The following ANKRD26 variants were observed in gnomAD, a reference collection of about 807,000 sequenced individuals.
ANKRD26 encodes ankyrin repeat domain-containing protein 26.
A neutral mutation model predicts 208.7 loss-of-function variants in ANKRD26; 141 were observed. The observed-to-expected ratio is 0.68, with a 90% CI of 0.59 to 0.78. ANKRD26 has a LOEUF of 0.78. Ranked by LOEUF, ANKRD26 falls within the 30% of genes least tolerant of loss-of-function variation. The probability of loss-of-function intolerance (pLI) is 0.00; values close to 1 mark genes in which losing one functional copy is unlikely to be tolerated. For missense variants in ANKRD26, 1,889 were observed against 1,938.7 expected, an observed-to-expected ratio of 0.97 and a Z score of 0.48; for synonymous variants, 636 against 660.4, an observed-to-expected ratio of 0.96 and a Z score of 0.57.
At chr10:27,046,610 G>A in intron 17 of ANKRD26, 87 bp from the exon 18 acceptor site, 4 of 1,322,210 alleles carry the variant, frequency 3.0e-6, no homozygotes, top group South Asian at 1.4e-5. Flanking sequence ...GGAAAAGAAA[G>A]AATAAAAAAT....
At position 27,029,257 on chromosome 10, in the gene ANKRD26, GT is replaced by G. The variant is rs1349427518; in HGVS notation, c.3878+28del. On this transcript the variant is annotated intron_variant, in intron 26 of 33. Transcript: ENST00000376087. ...GCTTATTTGCTCTATAAATAATCAT[GT>G]TTTTCTGTGTGCTGCTTTAAATTTT... 3.1e-6 allele frequency: 5 copies of G among 1,588,868 alleles called. No individual in the cohort carries two copies. In the African/African-American group the frequency reaches 4.0e-5, roughly 13 times the overall value.
intron 32 of ANKRD26, among the ~76,000 whole-genome samples, chr10:27,008,791 G>A (rs1049669981): frequency 6.6e-5 from 10 of 152,128 alleles, no homozygotes; most frequent in African/African-American, 2.2e-4. Context: ...CAGCCCTGGA[G>A]TGGCCTCCCG....
At chr10:27,050,179 C>A (rs984026055) in intron 16 of ANKRD26, among the ~76,000 whole-genome samples, 11 of 115,444 alleles carry the variant, frequency 9.5e-5, no homozygotes, top group African/African-American at 3.4e-4. Context: ...AAGATCATGC[C>A]ATTGCACTGC....
At chr10:26,950,596 T>G in the ANKRD26 span, among the ~76,000 whole-genome samples, 6 of 151,058 alleles carry the variant, frequency 4.0e-5, no homozygotes, top group Admixed American at 2.0e-4. Context: ...GCACCTCCTC[T>G]GCTTGCTCTC....
Position 27,071,159 on chromosome 10 carries a change from ATTTTTTTTTTTT to A in ANKRD26, c.1078-3885_1078-3874del, listed in dbSNP as rs71386906. 3.5e-5 allele frequency among the ~76,000 whole-genome samples: 3 copies of A among 85,838 alleles called. No individual in the cohort carries two copies. In the Admixed American group the frequency reaches 4.6e-4, roughly 13 times the overall value. 56.3% of individuals were successfully genotyped at this position (85,838 alleles called of 152,430 possible). A position where few individuals can be genotyped will look rare whatever the true frequency, so the allele number is the denominator to read the frequency against. On this transcript the variant is annotated intron_variant, in intron 9 of 33. Coordinates refer to ENST00000376087, the MANE Select transcript of ANKRD26 (RefSeq NM_014915.3). The stretch of plus-strand genomic sequence containing the variant: ...GCAGAAATAAACAATTGCTACATTC[ATTTTTTTTTTTT>A]TTTTTTTTTTTTGAGACAGAGTCTC...
rs200576921 is a variant in ANKRD26 at position 27,044,222 on chromosome 10, G to T, written c.1986-32C>A. 3.8e-5 allele frequency: 53 copies of T among 1,401,436 alleles called. No individual in the cohort carries two copies. In the African/African-American group the frequency reaches 6.9e-4, roughly 18 times the overall value. The allele number at this position is 1,401,436 out of a possible 1,614,324, so 86.8% of individuals were successfully genotyped here. ...AAAAAAAATACCTTTCAGGCAAATAGTAAACATGTAAAATGCAAGGAATAT... is the reference window on the plus strand; with the variant it reads ...AAAAAAAATACCTTTCAGGCAAATATTAAACATGTAAAATGCAAGGAATAT... On this transcript the variant is annotated intron_variant, in intron 18 of 33. Coordinates refer to ENST00000376087, the MANE Select transcript of ANKRD26 (RefSeq NM_014915.3).
At chr10:27,078,987 A>C (rs1341065985) in intron 7 of ANKRD26, 102 bp downstream of exon 7, 8 of 931,908 alleles carry the variant, frequency 8.6e-6, no homozygotes, top group Admixed American at 2.0e-5. Context: ...TTCCATTACA[A>C]ACAGAAAACA....
chr10:26,965,544 G>A, the ANKRD26 span, among the ~76,000 whole-genome samples: 2 of 152,092 alleles, frequency 1.3e-5, no homozygotes, highest in African/African-American at 4.8e-5. Context: ...AGAAAACCTA[G>A]GCAATACCAT....
At chr10:27,081,060 A>G in intron 6 of ANKRD26, 1 of 529,510 alleles carries the variant, frequency 1.9e-6, no homozygotes, top group Non-Finnish European at 2.4e-6. Context: ...GTTATAGTAC[A>G]TTCCTACTGG....
At chr10:26,955,746 A>G in the ANKRD26 span, among the ~76,000 whole-genome samples, 6 of 152,328 alleles carry the variant, frequency 3.9e-5, no homozygotes, top group South Asian at 1.0e-3. Context: ...TCTAAGGGAT[A>G]TTAGTCCTGT....
chr10:27,014,840 C>T, intron 30 of ANKRD26, 129 bp from the exon 31 acceptor site: 1 of 719,986 alleles, frequency 1.4e-6, no homozygotes, highest in Non-Finnish European at 2.4e-6. Context: ...TCTGTGCCAG[C>T]AGGCATTGGT....
chr10:27,081,938 G>A (rs143517360), intron 6 of ANKRD26, among the ~76,000 whole-genome samples: 10,172 of 151,480 alleles, frequency 0.067, 490 homozygotes, highest in Non-Finnish European at 0.1. Flanking sequence ...GGGTTTCACC[G>A]TGTTAGCCAG....
intron 26 of ANKRD26, 73 bp downstream of exon 26, chr10:27,029,213 A>G: frequency 1.4e-6 from 2 of 1,479,756 alleles, no homozygotes; most frequent in Non-Finnish European, 9.3e-7. Flanking sequence ...CATAGCTGAT[A>G]TAATTCTCAT....
downstream of ANKRD26, among the ~76,000 whole-genome samples, chr10:26,987,173 T>G (rs982244381): frequency 4.6e-5 from 7 of 151,638 alleles, no homozygotes; most frequent in African/African-American, 1.7e-4. Flanking sequence ...AGCAAACTAT[T>G]GCAAGGACAA....
chr10:27,027,872 G>A (rs542327040), intron 27 of ANKRD26, among the ~76,000 whole-genome samples: 20 of 152,178 alleles, frequency 1.3e-4, no homozygotes, highest in Admixed American at 4.6e-4. Flanking sequence ...TTATAATGGC[G>A]TGAAACCATC....
chr10:27,081,908 T>C (rs2055922816), intron 6 of ANKRD26, among the ~76,000 whole-genome samples: 1 of 151,902 alleles, frequency 6.6e-6, no homozygotes, highest in East Asian at 1.9e-4. Flanking sequence ...GGCTAATTCT[T>C]TGTATTTTTA....
intron 9 of ANKRD26, among the ~76,000 whole-genome samples, chr10:27,067,772 G>A (rs2055318284): frequency 6.6e-6 from 1 of 152,130 alleles, no homozygotes; most frequent in Non-Finnish European, 1.5e-5. Context: ...CAACACTGGG[G>A]ATTACATTTC....
At chr10:26,965,225 C>T in the ANKRD26 span, among the ~76,000 whole-genome samples, 346 of 152,254 alleles carry the variant, frequency 2.3e-3, 1 homozygote, top group African/African-American at 7.7e-3. Flanking sequence ...TACCTGACTT[C>T]AAACTATACT....
At position 27,004,995 on chromosome 10, in the gene ANKRD26, C is replaced by T. The variant is rs374615840; in HGVS notation, c.*595G>A. ...GTCAGCAATTTACTCTCAAATTGTT[C>T]GGAGGAGAAAGTCTTTGTACTAAAA... On this transcript the variant is annotated 3_prime_UTR_variant, in exon 34 of 34. Coordinates refer to ENST00000376087, the MANE Select transcript of ANKRD26 (RefSeq NM_014915.3). 4.6e-5 allele frequency: 45 copies of T among 969,556 alleles called. No homozygotes were observed. The highest frequency in any genetic ancestry group is 5.1e-5 in the Non-Finnish European group (42 of 815,610). The allele number at this position is 969,556 out of a possible 1,614,324, so 60.1% of individuals were successfully genotyped here. A position where few individuals can be genotyped will look rare whatever the true frequency, so the allele number is the denominator to read the frequency against.
Sources: gnomAD v4.1 joint callset for allele counts (sites outside exome capture counted in the v4.1 genomes callset) on GRCh38, gnomAD v4.1.1 for gene constraint, MANE v1.5 for transcripts, NCBI Gene and HGNC (gene_info 2026-07-23, HGNC 2026-07-21) for gene names.